Variants in XPO1 observed in about 807,000 individuals in gnomAD.
XPO1 encodes the protein exportin-1.
In XPO1, 5 loss-of-function variants were observed where a neutral mutation model predicts 133.3. That is an observed-to-expected ratio of 0.04 (90% confidence interval 0.02 to 0.08). The LOEUF (loss-of-function observed/expected upper bound fraction) is 0.08. Ranked by LOEUF, XPO1 falls within the 10% of genes least tolerant of loss-of-function variation. The probability of loss-of-function intolerance (pLI) is 1.00; values close to 1 mark genes in which losing one functional copy is unlikely to be tolerated. For synonymous variants in XPO1, 419 were observed against 408.2 expected (o/e 1.03, Z -0.32); for missense variants, 506 against 1,267.5 (o/e 0.40, Z 9.12).
At position 61,482,628 on chromosome 2, in the gene XPO1, C is replaced by T. The variant is rs769727568; in HGVS notation, c.2813-89G>A. Reference sequence around the variant, plus strand: ...TTTTGTTTTGTTTTTTTTTTTTAGACGGAGTCTCGCTCTGTCACCCAAGCT... The same window carrying T: ...TTTTGTTTTGTTTTTTTTTTTTAGATGGAGTCTCGCTCTGTCACCCAAGCT... On this transcript the variant is annotated intron_variant, in intron 22 of 24. Coordinates refer to ENST00000401558, the MANE Select transcript of XPO1 (RefSeq NM_003400.4). The T allele has an allele frequency of 3.8e-4, 440 of 1,144,062 alleles. 2 individuals carry two copies. The highest frequency in any genetic ancestry group is 5.0e-4 in the Non-Finnish European group (422 of 846,872). 70.9% of individuals were successfully genotyped at this position (1,144,062 alleles called of 1,614,324 possible).
chr2:61,483,801 A>C, intron 21 of XPO1, 136 bp downstream of exon 21: 2 of 994,074 alleles, frequency 2.0e-6, no homozygotes, highest in Non-Finnish European at 2.9e-6. Context: ...AACTGCTTAT[A>C]GGATTTTCTC....
intron 24 of XPO1, among the ~76,000 whole-genome samples, chr2:61,479,744 CT>C (rs1696244131): frequency 6.6e-6 from 1 of 151,914 alleles, no homozygotes; most frequent in Non-Finnish European, 1.5e-5. Flanking sequence ...TGTATTTTTA[CT>C]AGAGACGTAG....
intron 3 of XPO1, among the ~76,000 whole-genome samples, chr2:61,523,810 TTGC>T (rs1698798571): frequency 6.6e-6 from 1 of 152,232 alleles, no homozygotes; most frequent in Non-Finnish European, 1.5e-5. Flanking sequence ...GTGAATGTTT[TTGC>T]TGTTTTCTTT....
At position 61,522,780 on chromosome 2, in the gene XPO1, A is replaced by G. The variant is rs558185312; in HGVS notation, c.229-97T>C. 5.1e-5 allele frequency: 43 copies of G among 843,680 alleles called. No individual in the cohort carries two copies. In the African/African-American group the frequency reaches 5.3e-4, roughly 10 times the overall value. The allele number at this position is 843,680 out of a possible 1,614,324, so 52.3% of individuals were successfully genotyped here. On this transcript the variant is annotated intron_variant, in intron 3 of 24. Coordinates refer to ENST00000401558, the MANE Select transcript of XPO1 (RefSeq NM_003400.4). ...GACAGACATTCACACATTTACATCT[A>G]AAGTTTCAAAAACATTATGCTACCA...
intron 11 of XPO1, chr2:61,494,311 T>C: frequency 4.6e-6 from 2 of 432,336 alleles, no homozygotes; most frequent in Admixed American, 8.3e-5. Flanking sequence ...AGTTGATCAA[T>C]ATGTATTTTT....
chr2:61,488,047 A>T (rs1696783153), intron 19 of XPO1, 118 bp downstream of exon 19: 8 of 858,288 alleles, frequency 9.3e-6, no homozygotes, highest in Non-Finnish European at 1.3e-5. Context: ...AAAATGCCAT[A>T]AAATAACCAC....
At chr2:61,505,392 C>CT (rs146283651) in intron 4 of XPO1, among the ~76,000 whole-genome samples, 4 of 135,840 alleles carry the variant, frequency 2.9e-5, no homozygotes, top group African/African-American at 5.4e-5. Flanking sequence ...AACATTCTCA[C>CT]TTTTTTTTTT....
rs552809132 is a variant in XPO1 at position 61,489,497 on chromosome 2, G to A, written c.2023-726C>T. ...TAAACCATATTTATAATCCCAAATGGTAAAAACGAACACAAACGCCTTTTT... is the reference window on the plus strand; with the variant it reads ...TAAACCATATTTATAATCCCAAATGATAAAAACGAACACAAACGCCTTTTT... On this transcript the variant is annotated intron_variant, in intron 17 of 24. Coordinates refer to ENST00000401558, the MANE Select transcript of XPO1 (RefSeq NM_003400.4). Among the ~76,000 whole-genome samples, 475 of 151,458 alleles carry A rather than the reference G, an allele frequency of 3.1e-3. 5 individuals carry two copies. The highest frequency in any genetic ancestry group is 0.011 in the African/African-American group (444 of 41,322).
At chr2:61,497,924 C>G (rs1573143720) in intron 9 of XPO1, among the ~76,000 whole-genome samples, 2 of 152,174 alleles carry the variant, frequency 1.3e-5, no homozygotes, top group Non-Finnish European at 2.9e-5. Flanking sequence ...ATAAACTGAT[C>G]ATTCAAATAC....
At position 61,483,847 on chromosome 2, in the gene XPO1, C is replaced by G. The variant is rs779731852; in HGVS notation, c.2677+90G>C. 5 of 1,444,520 alleles carry G rather than the reference C, an allele frequency of 3.5e-6. No individual in the cohort carries two copies. The South Asian group carries it at 4.9e-5, about 14-fold the overall frequency. 89.5% of individuals were successfully genotyped at this position (1,444,520 alleles called of 1,614,324 possible). A position where few individuals can be genotyped will look rare whatever the true frequency, so the allele number is the denominator to read the frequency against. On this transcript the variant is annotated intron_variant, in intron 21 of 24. Transcript: ENST00000401558. Reference sequence around the variant, plus strand: ...ATATGTAATTCACACACTCAAAACTCTGAACAAGTAATACCTTCCTATGTA... The same window carrying G: ...ATATGTAATTCACACACTCAAAACTGTGAACAAGTAATACCTTCCTATGTA...
intron 2 of XPO1, among the ~76,000 whole-genome samples, chr2:61,527,829 C>T (rs980100308): frequency 1.3e-5 from 2 of 151,944 alleles, no homozygotes; most frequent in African/African-American, 4.8e-5. Context: ...TCATCTTGTG[C>T]TTGTATCAGA....
At chr2:61,483,344 A>G (rs959156523) in intron 21 of XPO1, 1 of 370,104 alleles carries the variant, frequency 2.7e-6, no homozygotes, top group Non-Finnish European at 4.8e-6. Context: ...AAGATCATAT[A>G]ATGGACTTTG....
intron 17 of XPO1, among the ~76,000 whole-genome samples, chr2:61,489,526 T>C (rs965978696): frequency 6.6e-6 from 1 of 152,066 alleles, no homozygotes; most frequent in East Asian, 1.9e-4. Context: ...CCTTTTTGTC[T>C]ACATCTACTT....
Position 61,522,636 on chromosome 2 carries a change from C to T in XPO1, c.276G>A (p.Lys92=), listed in dbSNP as rs1300397187. 2 of 1,613,870 alleles carry T rather than the reference C, an allele frequency of 1.2e-6. No individual in the cohort carries two copies. The highest frequency in any genetic ancestry group is 1.7e-5 in the Admixed American group (1 of 60,002). The change falls in exon 4 of 25, where the codon AAG becomes AAA. Residue 92 remains lysine, a synonymous_variant. Transcript: ENST00000401558. ...ILENVIKTRW[K]ILPRNQCEGI... is the part of the protein sequence containing the mutation. ...CTTCGCACTGGTTCCTTGGAAGAAT[C>T]TTCCACCTTGTTTTTATCACATTTT...
At chr2:61,526,552 AG>A (rs756348735) in intron 2 of XPO1, 31 bp from the exon 3 acceptor site, 1 of 1,509,530 alleles carries the variant, frequency 6.6e-7, no homozygotes, top group South Asian at 1.3e-5. Flanking sequence ...ACAAAACTTA[AG>A]CTAATGTATT....
intron 3 of XPO1, among the ~76,000 whole-genome samples, chr2:61,524,534 T>A (rs1283885263): frequency 6.6e-6 from 1 of 152,202 alleles, no homozygotes; most frequent in Non-Finnish European, 1.5e-5. Flanking sequence ...GTCAAAGGAA[T>A]ACATCTGTTA....
rs1339428018 is a variant in XPO1, at chr2:61,488,802, CAT to C, written c.2023-33_2023-32del. On this transcript the variant is annotated intron_variant, in intron 17 of 24. Coordinates refer to ENST00000401558, the MANE Select transcript of XPO1 (RefSeq NM_003400.4). Reference sequence around the variant, plus strand: ...AGGAAAAAAAGCAAATTCCATTTATCATATAAGAATTATCCACGGCTGGGAAC... The same window carrying C: ...AGGAAAAAAAGCAAATTCCATTTATCATAAGAATTATCCACGGCTGGGAAC... 5.6e-6 allele frequency: 9 copies of C among 1,608,654 alleles called. No individual in the cohort carries two copies. In the African/African-American group the frequency reaches 1.2e-4, roughly 22 times the overall value.
In XPO1 at chr2:61,510,343, C is replaced by T. The variant is rs529840660; in HGVS notation, c.302-8033G>A. Among the ~76,000 whole-genome samples the T allele has an allele frequency of 2.0e-4, 30 of 152,286 alleles. No homozygotes were observed. In the South Asian group the frequency reaches 4.4e-3, roughly 22 times the overall value. On this transcript the variant is annotated intron_variant, in intron 4 of 24. Transcript: ENST00000401558. ...AGATGGTCAATAAAATAGTGATCTGCTCTCTTTACTTACACAAGGGTATAC... is the reference window on the plus strand; with the variant it reads ...AGATGGTCAATAAAATAGTGATCTGTTCTCTTTACTTACACAAGGGTATAC...
chr2:61,486,593 G>C (rs1696707520), intron 19 of XPO1, among the ~76,000 whole-genome samples: 1 of 151,952 alleles, frequency 6.6e-6, no homozygotes, highest in Non-Finnish European at 1.5e-5. Context: ...GTAGCTGGGA[G>C]TACAGGCACC....
Sources: gnomAD v4.1 joint callset for allele counts (sites outside exome capture counted in the v4.1 genomes callset) on GRCh38, gnomAD v4.1.1 for gene constraint, MANE v1.5 for transcripts, NCBI Gene and HGNC (gene_info 2026-07-23, HGNC 2026-07-21) for gene names.